Variants in RIMS4 observed in about 807,000 individuals in gnomAD.
RIMS4 encodes the protein regulating synaptic membrane exocytosis 4.
Under a neutral mutation model 29.0 loss-of-function variants are expected in RIMS4, and 9 were observed. The observed-to-expected ratio is 0.31, with a 90% CI of 0.19 to 0.54. The LOEUF (loss-of-function observed/expected upper bound fraction) is 0.54. Among genes scored for constraint, RIMS4 ranks in the 20% least tolerant of loss-of-function variants. RIMS4 has a pLI of 0.94. For missense variants in RIMS4, 193 were observed against 365.7 expected (o/e 0.53, Z 3.85); for synonymous variants, 130 against 152.9 (o/e 0.85, Z 1.10).
intron 1 of RIMS4, among the ~76,000 whole-genome samples, chr20:44,800,322 C>T (rs539615631): frequency 6.6e-6 from 1 of 152,142 alleles, no homozygotes; most frequent in African/African-American, 2.4e-5. Flanking sequence ...CTTTGGATGT[C>T]CTCTGGTGCT....
chr20:44,781,727 C>A (rs1410973117), intron 1 of RIMS4, among the ~76,000 whole-genome samples: 8 of 152,144 alleles, frequency 5.3e-5, no homozygotes, highest in Non-Finnish European at 5.9e-5. Flanking sequence ...GGAAGGAAGA[C>A]AATTCACAGT....
At position 44,779,947 on chromosome 20, in the gene RIMS4, T is replaced by C. The variant is rs1227173341; in HGVS notation, c.98-8534A>G. The stretch of plus-strand genomic sequence containing the variant: ...AAAGATGGTGGAAAGCCTGTTGATT[T>C]ACTGTATATCTGGCTCACATTTATA... On this transcript the variant is annotated intron_variant, in intron 1 of 5. Coordinates refer to ENST00000372851, the MANE Select transcript of RIMS4 (RefSeq NM_182970.4). 2.6e-5 allele frequency among the ~76,000 whole-genome samples: 4 copies of C among 152,344 alleles called. 1 individual carries two copies. In the East Asian group the frequency reaches 5.8e-4, roughly 22 times the overall value.
chr20:44,770,668 T>C (rs2066133047), intron 2 of RIMS4, among the ~76,000 whole-genome samples: 1 of 152,302 alleles, frequency 6.6e-6, no homozygotes, highest in East Asian at 1.9e-4. Context: ...CCCGTGATTC[T>C]GACGCGGAGC....
chr20:44,806,794 T>G (rs1409080823), intron 1 of RIMS4, among the ~76,000 whole-genome samples: 2 of 152,186 alleles, frequency 1.3e-5, no homozygotes, highest in Non-Finnish European at 2.9e-5. Context: ...TTCCCTCACT[T>G]CCTGGCTGAG....
intron 1 of RIMS4, among the ~76,000 whole-genome samples, chr20:44,807,584 G>A (rs1036619550): frequency 2.6e-5 from 4 of 152,172 alleles, no homozygotes; most frequent in Non-Finnish European, 5.9e-5. Context: ...AGGGGAGGGA[G>A]GGGAGAAGAG....
At position 44,764,151 on chromosome 20, in the gene RIMS4, TATCCATCCATCC is replaced by T. The variant is rs376980648; in HGVS notation, c.237-5979_237-5968del. The stretch of plus-strand genomic sequence containing the variant: ...CCATCCATCCATTTATGCATCCATT[TATCCATCCATCC>T]ATCCATCCATCCATCCATCCATCCA... On this transcript the variant is annotated intron_variant, in intron 2 of 5. Transcript: ENST00000372851. Among the ~76,000 whole-genome samples, 78 of 40,762 alleles carry T rather than the reference TATCCATCCATCC, an allele frequency of 1.9e-3. 2 individuals are homozygous for T. The highest frequency in any genetic ancestry group is 7.6e-3 in the African/African-American group (65 of 8,548). 26.7% of individuals were successfully genotyped at this position (40,762 alleles called of 152,430 possible). A position where few individuals can be genotyped will look rare whatever the true frequency, so the allele number is the denominator to read the frequency against.
chr20:44,781,576 C>A (rs2066184827), intron 1 of RIMS4, among the ~76,000 whole-genome samples: 1 of 152,056 alleles, frequency 6.6e-6, no homozygotes, highest in African/African-American at 2.4e-5. Flanking sequence ...AAACTGAAGG[C>A]AAAAAGTTCC....
At chr20:44,799,133 T>A (rs1329280851) in intron 1 of RIMS4, among the ~76,000 whole-genome samples, 1 of 152,042 alleles carries the variant, frequency 6.6e-6, no homozygotes, top group Non-Finnish European at 1.5e-5. Context: ...TGAAACTCCA[T>A]CTCTACTAAA....
Position 44,756,203 on chromosome 20 carries a change from G to A in RIMS4, c.741C>T (p.Gly247=), listed in dbSNP as rs144730676. The change falls in exon 6 of 6, where the codon GGC becomes GGT. Residue 247 remains glycine (G), a synonymous_variant. Transcript: ENST00000372851. The surrounding 1 kb of genome is among the most constrained non-coding windows in gnomAD (Gnocchi z 5.9). The part of the protein sequence containing the change: ...PTSSMVDPAT[G]PLLRQASQLS... The stretch of plus-strand genomic sequence containing the variant: ...ACTGGGATGCCTGCCGGAGCAGGGG[G>A]CCTGTGGCTGGGTCCACCATGGAGG... 892 of 1,614,026 alleles carry A rather than the reference G, an allele frequency of 5.5e-4. 4 individuals carry two copies. The African/African-American group carries it at 9.9e-3, about 18-fold the overall frequency.
intron 1 of RIMS4, among the ~76,000 whole-genome samples, chr20:44,781,478 C>A (rs562807262): frequency 3.3e-5 from 5 of 152,282 alleles, no homozygotes; most frequent in Admixed American, 1.3e-4. Flanking sequence ...ATTGTACATG[C>A]AAGCACTACC....
rs561642000 is a variant in RIMS4 at position 44,759,660 on chromosome 20, G to A, written c.237-1476C>T. On this transcript the variant is annotated intron_variant, in intron 2 of 5. Transcript: ENST00000372851. ...TCCCTGGCCAGAGATGAGGCATACA[G>A]AGTCAGAGGCTTAACCCAAGCCAGG... Among the ~76,000 whole-genome samples, 11 of 152,338 alleles carry A rather than the reference G, an allele frequency of 7.2e-5. No individual in the cohort carries two copies. In the South Asian group the frequency reaches 2.1e-3, roughly 29 times the overall value.
chr20:44,780,996 G>A (rs2066181967), intron 1 of RIMS4, among the ~76,000 whole-genome samples: 3 of 152,128 alleles, frequency 2.0e-5, no homozygotes, highest in South Asian at 2.1e-4. Context: ...GGAAGGAAAC[G>A]TTACTCTCAC....
At chr20:44,778,060 G>A (rs2038608089) in intron 1 of RIMS4, among the ~76,000 whole-genome samples, 1 of 152,114 alleles carries the variant, frequency 6.6e-6, no homozygotes, top group Admixed American at 6.6e-5. Flanking sequence ...CAGTGACTTG[G>A]GCCTCACATG....
chr20:44,765,608 T>C (rs541694903), intron 2 of RIMS4, among the ~76,000 whole-genome samples: 1 of 152,084 alleles, frequency 6.6e-6, no homozygotes, highest in South Asian at 2.1e-4. Context: ...ATAGTAGAGG[T>C]GGGGAAGAAA....
intron 1 of RIMS4, among the ~76,000 whole-genome samples, chr20:44,805,006 T>C (rs931419825): frequency 3.9e-5 from 6 of 152,102 alleles, no homozygotes; most frequent in Non-Finnish European, 5.9e-5. Flanking sequence ...TTGATTAAAA[T>C]AAAGTGGTCT....
chr20:44,756,182 G>A lies in RIMS4; in HGVS notation c.762C>T (p.Ser254=). The A allele has an allele frequency of 6.2e-7, 1 of 1,613,758 alleles. No homozygotes were observed. The highest frequency in any genetic ancestry group is 1.1e-5 in the South Asian group (1 of 91,052). The part of the protein sequence containing the change: ...PATGPLLRQA[S]QLSLESTVGP... ...CCACGGTGCTCTCGAGGGACAACTG[G>A]GATGCCTGCCGGAGCAGGGGGCCTG... The change falls in exon 6 of 6, where the codon TCC becomes TCT. Residue 254 remains serine, a synonymous_variant. Coordinates refer to ENST00000372851, the MANE Select transcript of RIMS4 (RefSeq NM_182970.4). The surrounding 1 kb of genome is among the most constrained non-coding windows in gnomAD (Gnocchi z 5.9).
At position 44,755,110 on chromosome 20, in the gene RIMS4, A is replaced by G. The variant is rs1272402203; in HGVS notation, c.*1024T>C. ...CAGTGGGTTCTGCCCTTAGTATAGG[A>G]TGTTTTTTTTAAAAAGACTAAAATA... On this transcript the variant is annotated 3_prime_UTR_variant, in exon 6 of 6. Coordinates refer to ENST00000372851, the MANE Select transcript of RIMS4 (RefSeq NM_182970.4). 2.0e-5 allele frequency: 3 copies of G among 152,628 alleles called. No homozygotes were observed. The highest frequency in any genetic ancestry group is 6.5e-5 in the Admixed American group (1 of 15,298). The allele number at this position is 152,628 out of a possible 1,614,324, so 9.5% of individuals were successfully genotyped here.
intron 1 of RIMS4, among the ~76,000 whole-genome samples, chr20:44,801,306 G>C (rs781071178): frequency 1.3e-5 from 2 of 152,124 alleles, no homozygotes; most frequent in Non-Finnish European, 2.9e-5. Context: ...GGCTGGGTGA[G>C]AATCTCATCA....
chr20:44,763,608 C>T (rs1271574694), intron 2 of RIMS4, among the ~76,000 whole-genome samples: 1 of 152,250 alleles, frequency 6.6e-6, no homozygotes, highest in East Asian at 1.9e-4. Flanking sequence ...GGATTACAAC[C>T]CATGTTCTGC....
Sources: gnomAD v4.1 joint callset for allele counts (sites outside exome capture counted in the v4.1 genomes callset) on GRCh38, gnomAD v4.1.1 for gene constraint, Gnocchi (gnomAD v3.1) non-coding constraint, MANE v1.5 for transcripts, NCBI Gene and HGNC (gene_info 2026-07-23, HGNC 2026-07-21) for gene names.